Variants in NRXN2 observed in about 807,000 individuals in gnomAD.
NRXN2 encodes the protein neurexin-2-beta.
In NRXN2, 29 loss-of-function variants were observed where a neutral mutation model predicts 128.8. That is an observed-to-expected ratio of 0.23 (90% CI 0.17 to 0.31). The LOEUF is 0.31. NRXN2 is among the 10% of genes least tolerant of loss of function. The probability of loss-of-function intolerance (pLI) is 1.00; values close to 1 mark genes in which losing one functional copy is unlikely to be tolerated. For synonymous variants in NRXN2, 1,098 were observed against 1,075.2 expected (o/e 1.02, Z -0.41); for missense variants, 1,881 against 2,452.6 (o/e 0.77, Z 4.92).
chr11:64,651,461 A>G lies in NRXN2; in HGVS notation c.2712T>C (p.Cys904=), dbSNP rs1256852185. ...DQCKDGDITY[C]ELNARFGLRA... is the part of the protein sequence containing the mutation. The stretch of plus-strand genomic sequence containing the variant: ...GCAGGCCAAAGCGAGCATTGAGCTC[A>G]CAGTAGGTGATGTCACCATCCTTGC... Residue 904 remains cysteine, a synonymous_variant, in exon 14 of 23, where the codon TGT becomes TGC. Coordinates refer to ENST00000265459, the MANE Select transcript of NRXN2 (RefSeq NM_015080.4). This position sits in a 1 kb window ranked among gnomAD's most constrained non-coding sequence, Gnocchi z 5.9. The G allele has an allele frequency of 2.5e-6, 4 of 1,614,182 alleles. No individual in the cohort carries two copies. Among genetic ancestry groups the G allele is most frequent in the Middle Eastern group, 3.3e-4 (2 of 6,062 alleles).
chr11:64,686,323 G>C (rs1273733627), intron 5 of NRXN2, among the ~76,000 whole-genome samples: 3 of 152,122 alleles, frequency 2.0e-5, no homozygotes, highest in African/African-American at 7.2e-5. Context: ...GGAAATAAGA[G>C]GCTCTGCCTT....
In NRXN2 at chr11:64,606,733, A is replaced by C; in HGVS notation, c.*463T>G. On this transcript the variant is annotated 3_prime_UTR_variant, in exon 23 of 23. Coordinates refer to ENST00000265459, the MANE Select transcript of NRXN2 (RefSeq NM_015080.4). ...AAAGAAGTAGGGAAGGAGGGTGGGG[A>C]CAGTGAGACACAGCAAGCCTGGGAT... 6.4e-6 allele frequency: 1 copy of C among 155,874 alleles called. No individual in the cohort carries two copies. The highest frequency in any genetic ancestry group is 1.4e-5 in the Non-Finnish European group (1 of 70,994). 9.7% of individuals were successfully genotyped at this position (155,874 alleles called of 1,614,324 possible).
At position 64,712,997 on chromosome 11, in the gene NRXN2, C is replaced by T. The variant is rs907242330; in HGVS notation, c.703G>A (p.Gly235Ser). 6 of 1,494,382 alleles carry T rather than the reference C, an allele frequency of 4.0e-6. No individual in the cohort carries two copies. Among genetic ancestry groups the T allele is most frequent in the African/African-American group, 2.9e-5 (2 of 68,746 alleles). 92.6% of individuals were successfully genotyped at this position (1,494,382 alleles called of 1,614,324 possible). Reference sequence around the variant, plus strand: ...TCGCTGCAGAACTTGCCGCCGAAGCCCGTGTGGCTGCAGTCGCAGCCCACC... The same window carrying T: ...TCGCTGCAGAACTTGCCGCCGAAGCTCGTGTGGCTGCAGTCGCAGCCCACC... Reference protein sequence around the residue: ...GEVGCDCSHTGFGGKFCSEEE... With the variant: ...GEVGCDCSHTSFGGKFCSEEE... Residue 235 changes from glycine to serine, a missense_variant, in exon 2 of 23, where the codon GGC (glycine) becomes AGC (serine). Physicochemically the swap from Gly to Ser is moderately conservative, Grantham distance 56. This residue lies in a region of NRXN2 where 997 missense variants were observed against 1,240.8 expected (regional missense o/e 0.80). Transcript: ENST00000265459.
intron 1 of NRXN2, among the ~76,000 whole-genome samples, chr11:64,720,826 T>G (rs1398939415): frequency 2.0e-5 from 3 of 151,782 alleles, no homozygotes; most frequent in Non-Finnish European, 4.4e-5. Flanking sequence ...TGTGTAGACC[T>G]GGGAGGGATG....
intron 2 of NRXN2, among the ~76,000 whole-genome samples, chr11:64,698,087 A>T (rs2054811023): frequency 1.3e-5 from 2 of 152,166 alleles, no homozygotes; most frequent in Admixed American, 1.3e-4. Flanking sequence ...CAGGGAAGTA[A>T]CCACTCAAGG....
chr11:64,617,689 T>A (rs548571980), intron 22 of NRXN2, among the ~76,000 whole-genome samples: 1 of 152,060 alleles, frequency 6.6e-6, no homozygotes, highest in East Asian at 1.9e-4. Context: ...GCCAAGGGAG[T>A]CCTGGCCGTC....
At chr11:64,615,944 CTG>C (rs755743569) in intron 22 of NRXN2, among the ~76,000 whole-genome samples, 5 of 151,748 alleles carry the variant, frequency 3.3e-5, no homozygotes, top group Non-Finnish European at 5.9e-5. Context: ...ATGTATTCTT[CTG>C]TGAGTGTGAA....
rs2048870620 is a variant in NRXN2 at position 64,660,492 on chromosome 11, G to A, written c.2229C>T (p.Ile743=). The change falls in exon 11 of 23, where the codon ATC becomes ATT. Residue 743 remains isoleucine (I), a synonymous_variant. Coordinates refer to ENST00000265459, the MANE Select transcript of NRXN2 (RefSeq NM_015080.4). The surrounding 1 kb of genome is among the most constrained non-coding windows in gnomAD (Gnocchi z 5.2). ...CCGTGTGCATGGCGTTAGGCAGCAT[G>A]ATCTTCATGTACATGGAGCCATCGT... The part of the protein sequence containing the change: ...LSYDGSMYMK[I]MLPNAMHTEA... The A allele has an allele frequency of 1.2e-6, 2 of 1,614,202 alleles. No individual in the cohort carries two copies. The highest frequency in any genetic ancestry group is 1.7e-6 in the Non-Finnish European group (2 of 1,180,028).
In NRXN2 at chr11:64,631,301, G is replaced by T. The variant is rs1194787524; in HGVS notation, c.3586-728C>A. On this transcript the variant is annotated intron_variant, in intron 18 of 22. Coordinates refer to ENST00000265459, the MANE Select transcript of NRXN2 (RefSeq NM_015080.4). The surrounding 1 kb of genome is among the most constrained non-coding windows in gnomAD (Gnocchi z 4.8). ...GATCGTGGGGGTTTCGGGGTAGGGG[G>T]TGGAGCTAGGGGCTGGGGAAGGACA... Among the ~76,000 whole-genome samples the T allele has an allele frequency of 6.6e-6, 1 of 151,688 alleles. No homozygotes were observed. Among genetic ancestry groups the T allele is most frequent in the Non-Finnish European group, 1.5e-5 (1 of 67,944 alleles).
chr11:64,661,192 A>G, intron 9 of NRXN2, 53 bp from the exon 10 acceptor site: 1 of 1,610,330 alleles, frequency 6.2e-7, no homozygotes. Flanking sequence ...AGAAAGGGAC[A>G]TCCTGACTCT....
At chr11:64,661,476 T>C (rs915493327) in intron 9 of NRXN2, 67 of 1,095,652 alleles carry the variant, frequency 6.1e-5, no homozygotes, top group East Asian at 1.8e-4. Context: ...TCGGAAAGGG[T>C]TGGATCATTC....
Position 64,667,357 on chromosome 11 carries a change from T to C in NRXN2, c.1691A>G (p.Tyr564Cys), listed in dbSNP as rs757831493. The change falls in exon 9 of 23, where the codon TAT becomes TGT. Residue 564 changes from tyrosine to cysteine, a missense_variant. Coordinates refer to ENST00000265459, the MANE Select transcript of NRXN2 (RefSeq NM_015080.4). The surrounding 1 kb of genome is among the most constrained non-coding windows in gnomAD (Gnocchi z 5.6). Reference protein sequence around the residue: ...FAMELLDGHLYLLLDMGSGGI... With the variant: ...FAMELLDGHLCLLLDMGSGGI... ...CCCAGATCCCATGTCCAGCAGAAGA[T>C]AGAGGTGGCCGTCCAATAGCTCCAT... The C allele has an allele frequency of 2.5e-5, 41 of 1,614,182 alleles. No individual in the cohort carries two copies. Among genetic ancestry groups the C allele is most frequent in the Non-Finnish European group, 2.5e-5 (30 of 1,180,026 alleles).
chr11:64,697,313 G>A (rs576869640), intron 3 of NRXN2, among the ~76,000 whole-genome samples: 1 of 152,250 alleles, frequency 6.6e-6, no homozygotes, highest in South Asian at 2.1e-4. Context: ...CCTGAGCCCT[G>A]CACAGTGGCA....
chr11:64,652,301 G>A (rs865826974), intron 12 of NRXN2, 147 bp from the exon 13 acceptor site: 56 of 976,548 alleles, frequency 5.7e-5, no homozygotes, highest in African/African-American at 1.4e-4. Flanking sequence ...ATTTGGCCAC[G>A]CAACACACCC....
intron 12 of NRXN2, 31 bp downstream of exon 12, chr11:64,653,665 G>C: frequency 6.3e-7 from 1 of 1,586,632 alleles, no homozygotes. Context: ...GTCCCCTTGG[G>C]TCTCTGCAGA....
intron 2 of NRXN2, among the ~76,000 whole-genome samples, chr11:64,701,626 C>T (rs2135623294): frequency 6.6e-6 from 1 of 152,308 alleles, no homozygotes; most frequent in East Asian, 1.9e-4. Context: ...GTACTCCCAG[C>T]TACTTGGGAG....
intron 2 of NRXN2, among the ~76,000 whole-genome samples, chr11:64,699,659 C>T (rs901259992): frequency 6.6e-6 from 1 of 152,036 alleles, no homozygotes; most frequent in African/African-American, 2.4e-5. Context: ...GTGATCTGCC[C>T]GCCTCGGCCT....
At chr11:64,645,205 C>G (rs2135431438) in intron 17 of NRXN2, among the ~76,000 whole-genome samples, 1 of 152,166 alleles carries the variant, frequency 6.6e-6, no homozygotes, top group African/African-American at 2.4e-5. Context: ...CAGCTCTGAG[C>G]AGGCAGAAAA....
At chr11:64,610,179 G>A (rs548561886) in intron 22 of NRXN2, among the ~76,000 whole-genome samples, 2 of 152,064 alleles carry the variant, frequency 1.3e-5, no homozygotes, top group Admixed American at 1.3e-4. Context: ...CTTCCCACCC[G>A]ACTCCAATCT....
Sources: allele counts gnomAD v4.1 joint callset (sites outside exome capture counted in the v4.1 genomes callset), GRCh38; gene constraint gnomAD v4.1.1; regional missense constraint gnomAD v4.1.1; non-coding constraint Gnocchi (gnomAD v3.1); transcripts MANE v1.5; gene names NCBI Gene and HGNC (gene_info 2026-07-23, HGNC 2026-07-21).